ARHGEF7: variants seen among roughly 807,000 people sequenced by gnomAD.
ARHGEF7 encodes the protein PAK-interacting exchange factor beta.
Under a neutral mutation model 109.8 loss-of-function variants are expected in ARHGEF7, and 33 were observed. The observed-to-expected ratio is 0.30, with a 90% CI of 0.23 to 0.40. The LOEUF is 0.40. Among genes scored for constraint, ARHGEF7 ranks in the 10% least tolerant of loss-of-function variants. The pLI is 1.00. For synonymous variants in ARHGEF7, 458 were observed against 424.6 expected (o/e 1.08, Z -0.97); for missense variants, 938 against 1,098.5 (o/e 0.85, Z 2.07).
At chr13:111,171,874 G>A (rs527381447) in intron 2 of ARHGEF7, among the ~76,000 whole-genome samples, 2 of 152,298 alleles carry the variant, frequency 1.3e-5, no homozygotes, top group African/African-American at 2.4e-5. Context: ...AGGCCTCAGA[G>A]AGAGACCTCT....
rs1566871980 is a variant in ARHGEF7, at chr13:111,221,368, T to TAGAC, written c.670+3489_670+3490insGACA. 1.4e-4 allele frequency among the ~76,000 whole-genome samples: 5 copies of TAGAC among 36,058 alleles called. 2 individuals are homozygous for TAGAC. The East Asian group carries it at 2.3e-3, about 16-fold the overall frequency. The allele number at this position is 36,058 out of a possible 152,430, so 23.7% of individuals were successfully genotyped here. On this transcript the variant is annotated intron_variant, in intron 5 of 21. Coordinates refer to ENST00000646102, the MANE Select transcript of ARHGEF7 (RefSeq NM_001354046.2). ...ATATATATGTCTATATATATATCTA[T>TAGAC]ATATATATCTATATATATAGATGTC... is the stretch of plus-strand genomic sequence containing the variant.
At chr13:111,181,045 C>G (rs1021261174) in intron 2 of ARHGEF7, among the ~76,000 whole-genome samples, 1 of 152,166 alleles carries the variant, frequency 6.6e-6, no homozygotes, top group Non-Finnish European at 1.5e-5. Flanking sequence ...AGGTGAATGG[C>G]CACTTTAAAA....
intron 3 of ARHGEF7, among the ~76,000 whole-genome samples, chr13:111,206,866 G>A (rs1437935508): frequency 6.6e-6 from 1 of 150,678 alleles, no homozygotes; most frequent in East Asian, 2.0e-4. Context: ...GGAGGCTGAG[G>A]CAGGAGAATG....
At chr13:111,140,395 C>T (rs1374874040) in intron 1 of ARHGEF7, among the ~76,000 whole-genome samples, 4 of 152,162 alleles carry the variant, frequency 2.6e-5, no homozygotes, top group Admixed American at 1.3e-4. Context: ...AGGTTTACAT[C>T]AGGTCATCGG....
At position 111,258,470 on chromosome 13, in the gene ARHGEF7, A is replaced by T. The variant is rs965358413; in HGVS notation, c.951-9078A>T. Among the ~76,000 whole-genome samples the T allele has an allele frequency of 1.3e-5, 2 of 152,208 alleles. No individual in the cohort carries two copies. Among genetic ancestry groups the T allele is most frequent in the African/African-American group, 4.8e-5 (2 of 41,460 alleles). ...TGAGGCTCCCGGACGACATTTATAG[A>T]CATACCTTGGACCAAAAGGGAACCC... On this transcript the variant is annotated intron_variant, in intron 8 of 21. Transcript: ENST00000646102. The surrounding 1 kb of genome is among the most constrained non-coding windows in gnomAD (Gnocchi z 4.4).
rs80267585 is a variant in ARHGEF7, at chr13:111,258,613, A to G, written c.951-8935A>G. Among the ~76,000 whole-genome samples, 3,353 of 152,236 alleles carry G rather than the reference A, an allele frequency of 0.022. 126 individuals carry two copies. Among genetic ancestry groups the G allele is most frequent in the African/African-American group, 0.077 (3,196 of 41,524 alleles). On this transcript the variant is annotated intron_variant, in intron 8 of 21. Transcript: ENST00000646102. This position sits in a 1 kb window ranked among gnomAD's most constrained non-coding sequence, Gnocchi z 4.4. The stretch of plus-strand genomic sequence containing the variant: ...AGGCAGAACTCACCATGGGTCTTGC[A>G]TGAGACTCAAAGACGAGCTGGCTTC...
chr13:111,182,713 G>C (rs553623429), intron 2 of ARHGEF7: 1 of 152,360 alleles, frequency 6.6e-6, no homozygotes, highest in Non-Finnish European at 1.5e-5. Context: ...TTAGAAAGCA[G>C]TTTTAGGGTT....
At chr13:111,263,440 A>C (rs1376733200) in intron 8 of ARHGEF7, among the ~76,000 whole-genome samples, 1 of 152,232 alleles carries the variant, frequency 6.6e-6, no homozygotes, top group Non-Finnish European at 1.5e-5. Flanking sequence ...AGAAATGAAA[A>C]TCAGTTTATC....
intron 4 of ARHGEF7, among the ~76,000 whole-genome samples, chr13:111,216,327 A>G (rs527708535): frequency 9.2e-4 from 140 of 152,240 alleles, no homozygotes; most frequent in Non-Finnish European, 1.6e-3. Context: ...CTGTATGTCA[A>G]GAAGTGTGGG....
rs968008296 is a variant in ARHGEF7 at position 111,131,266 on chromosome 13, G to A, written c.165+15575G>A. ...GCACCAAGGGAGCCCAGGAGGGTGC[G>A]GCGGCGGGCAGACAGGGGGACAGTG... On this transcript the variant is annotated intron_variant, in intron 1 of 21. Coordinates refer to ENST00000646102, the MANE Select transcript of ARHGEF7 (RefSeq NM_001354046.2). The surrounding 1 kb of genome is among the most constrained non-coding windows in gnomAD (Gnocchi z 4.4). Among the ~76,000 whole-genome samples, 6 of 152,000 alleles carry A rather than the reference G, an allele frequency of 3.9e-5. No individual in the cohort carries two copies. Among genetic ancestry groups the A allele is most frequent in the African/African-American group, 9.7e-5 (4 of 41,380 alleles).
intron 2 of ARHGEF7, among the ~76,000 whole-genome samples, chr13:111,170,298 A>G (rs777544910): frequency 6.6e-6 from 1 of 152,184 alleles, no homozygotes; most frequent in Non-Finnish European, 1.5e-5. Context: ...AGGTCTTGCC[A>G]TGTTGGCCAG....
intron 2 of ARHGEF7, among the ~76,000 whole-genome samples, chr13:111,184,568 C>A (rs1435670766): frequency 1.3e-5 from 2 of 152,224 alleles, no homozygotes; most frequent in African/African-American, 4.8e-5. Context: ...CCTCCTCTCT[C>A]ACATTCTGAG....
In ARHGEF7 at chr13:111,153,946, C is replaced by T. The variant is rs1715783202; in HGVS notation, c.207C>T (p.Asn69=). ...EPRSESECLS[N]IREFLRGCGA... is the part of the protein sequence containing the mutation. ...GGAGCGAGAGCGAGTGCCTGAGCAA[C>T]ATCCGCGAGTTCCTGCGCGGCTGCG... Residue 69 remains asparagine (N), a synonymous_variant, in exon 2 of 22, where the codon AAC becomes AAT. Transcript: ENST00000646102. The T allele has an allele frequency of 6.2e-7, 1 of 1,605,658 alleles. No homozygotes were observed.
Position 111,150,473 on chromosome 13 carries a change from T to C in ARHGEF7, c.166-3432T>C, listed in dbSNP as rs201685657. ...TTCTTCCTTCATGTCATTGAAACCT[T>C]CTCCACTTATTTGCCTTGCAATATG... On this transcript the variant is annotated intron_variant, in intron 1 of 21. Coordinates refer to ENST00000646102, the MANE Select transcript of ARHGEF7 (RefSeq NM_001354046.2). Among the ~76,000 whole-genome samples, 4 of 152,316 alleles carry C rather than the reference T, an allele frequency of 2.6e-5. No homozygotes were observed. In the East Asian group the frequency reaches 7.7e-4, roughly 29 times the overall value.
chr13:111,238,448 G>A (rs2087152404), intron 6 of ARHGEF7, among the ~76,000 whole-genome samples: 1 of 152,180 alleles, frequency 6.6e-6, no homozygotes, highest in South Asian at 2.1e-4. Flanking sequence ...GAGTATTTAA[G>A]AGCATTGGGA....
intron 1 of ARHGEF7, among the ~76,000 whole-genome samples, chr13:111,141,486 C>A (rs976131104): frequency 1.3e-5 from 2 of 152,232 alleles, no homozygotes; most frequent in East Asian, 3.9e-4. Context: ...TGGGTGTGCC[C>A]CCTTCAGGAA....
intron 2 of ARHGEF7, among the ~76,000 whole-genome samples, chr13:111,176,839 C>T (rs1043695964): frequency 2.0e-5 from 3 of 152,262 alleles, no homozygotes; most frequent in Non-Finnish European, 2.9e-5. Flanking sequence ...TCACTGCAAC[C>T]TCTGCCTCCC....
intron 1 of ARHGEF7, among the ~76,000 whole-genome samples, chr13:111,148,742 A>G (rs1357970031): frequency 6.6e-6 from 1 of 152,246 alleles, no homozygotes; most frequent in African/African-American, 2.4e-5. Flanking sequence ...TATTGATGGT[A>G]TTAAGAAGTC....
At position 111,239,050 on chromosome 13, in the gene ARHGEF7, A is replaced by G. The variant is rs960416163; in HGVS notation, c.760-4822A>G. ...AATGAGTGCCAACAGGGGAAATGCC[A>G]GATGCTTATAAAACCATCAGATCTT... is the stretch of plus-strand genomic sequence containing the variant. On this transcript the variant is annotated intron_variant, in intron 6 of 21. Transcript: ENST00000646102. This position sits in a 1 kb window ranked among gnomAD's most constrained non-coding sequence, Gnocchi z 4.3. Among the ~76,000 whole-genome samples, 1 of 152,148 alleles carries G rather than the reference A, an allele frequency of 6.6e-6. No homozygotes were observed. Among genetic ancestry groups the G allele is most frequent in the African/African-American group, 2.4e-5 (1 of 41,432 alleles).
Sources: gnomAD v4.1 joint callset for allele counts (sites outside exome capture counted in the v4.1 genomes callset) on GRCh38, gnomAD v4.1.1 for gene constraint, Gnocchi (gnomAD v3.1) non-coding constraint, MANE v1.5 for transcripts, NCBI Gene and HGNC (gene_info 2026-07-23, HGNC 2026-07-21) for gene names.